Variants in PTPN20 observed in about 807,000 individuals in gnomAD.
The protein encoded by PTPN20 is tyrosine-protein phosphatase non-receptor type 20.
Under a neutral mutation model 35.0 loss-of-function variants are expected in PTPN20, and 9 were observed. The ratio of observed to expected loss-of-function variants is 0.26; its 90% CI spans 0.15 to 0.45. The LOEUF (loss-of-function observed/expected upper bound fraction) is 0.45, where lower values mean the gene tolerates loss of function less well. Among genes scored for constraint, PTPN20 ranks in the 20% least tolerant of loss-of-function variants. The probability of loss-of-function intolerance (pLI) is 1.00; values close to 1 mark genes in which losing one functional copy is unlikely to be tolerated. For missense variants in PTPN20, 111 were observed against 312.5 expected (o/e 0.36, Z 4.86); for synonymous variants, 32 against 100.2 (o/e 0.32, Z 4.06).
intron 3 of PTPN20, among the ~76,000 whole-genome samples, chr10:46,941,007 G>C (rs1197824939): frequency 6.6e-6 from 1 of 151,656 alleles, no homozygotes; most frequent in Non-Finnish European, 1.5e-5. Flanking sequence ...AGCACCTTTA[G>C]ATGTATTGAT....
At position 46,994,345 on chromosome 10, in the gene PTPN20, T is replaced by TTTTC. The variant is rs1290218346; in HGVS notation, c.1135-5566_1135-5565insTTCT. 1.1e-4 allele frequency among the ~76,000 whole-genome samples: 16 copies of TTTTC among 146,448 alleles called. No homozygotes were observed. The East Asian group carries it at 1.4e-3, about 13-fold the overall frequency. ...CTCTTTTTTTTTTTTTTTTTTTTTT[T>TTTTC]TGAGACGGAGTCTCGCTCTGTGGCC... On this transcript the variant is annotated intron_variant, in intron 9 of 10. Transcript: ENST00000374339.
intron 2 of PTPN20, among the ~76,000 whole-genome samples, chr10:46,939,821 A>G (rs1228518083): frequency 1.3e-5 from 2 of 150,658 alleles, no homozygotes; most frequent in Non-Finnish European, 1.5e-5. Context: ...AAATTAATTC[A>G]TGTGTTATAA....
At chr10:46,922,899 T>C (rs1555109853) in intron 1 of PTPN20, among the ~76,000 whole-genome samples, 1 of 123,792 alleles carries the variant, frequency 8.1e-6, no homozygotes, top group Non-Finnish European at 1.6e-5. Context: ...TCAGTGTCCA[T>C]AGGAGAGAAA....
chr10:47,003,547 A>G (rs940314748), downstream of PTPN20, among the ~76,000 whole-genome samples: 35 of 140,218 alleles, frequency 2.5e-4, no homozygotes, highest in East Asian at 5.1e-3. Context: ...ATCTTTCTCT[A>G]TATCTATTAG....
At chr10:46,994,432 C>T (rs922570115) in intron 9 of PTPN20, among the ~76,000 whole-genome samples, 3 of 148,722 alleles carry the variant, frequency 2.0e-5, no homozygotes, top group Non-Finnish European at 4.4e-5. Flanking sequence ...CCCAGGTTCA[C>T]GCCATTCTCC....
chr10:46,972,394 C>T (rs1214179007), intron 7 of PTPN20, among the ~76,000 whole-genome samples: 21 of 147,930 alleles, frequency 1.4e-4, no homozygotes, highest in African/African-American at 4.7e-4. Context: ...TACCATTTTA[C>T]ACTCACTGCA....
downstream of PTPN20, among the ~76,000 whole-genome samples, chr10:47,003,525 A>G (rs868931950): frequency 7.4e-3 from 1,116 of 151,492 alleles, 8 homozygotes; most frequent in African/African-American, 0.025. Flanking sequence ...CAAGATAACT[A>G]TGTAAAAATT....
chr10:46,947,743 A>G (rs1230055949), intron 5 of PTPN20: 1 of 376,702 alleles, frequency 2.7e-6, no homozygotes, highest in Admixed American at 3.4e-5. Flanking sequence ...ATAAATATGT[A>G]GCCTTTTGAG....
intron 1 of PTPN20, among the ~76,000 whole-genome samples, chr10:46,928,565 C>T (rs2038491316): frequency 6.6e-6 from 1 of 152,118 alleles, no homozygotes; most frequent in Admixed American, 6.5e-5. Flanking sequence ...CTTCACTTCT[C>T]CCTGCTTCCC....
At chr10:46,923,722 T>A (rs1321534400) in intron 1 of PTPN20, among the ~76,000 whole-genome samples, 1 of 151,248 alleles carries the variant, frequency 6.6e-6, no homozygotes, top group South Asian at 2.1e-4. Flanking sequence ...TTGATACCCA[T>A]GAAACAATTT....
intron 5 of PTPN20, among the ~76,000 whole-genome samples, chr10:46,960,551 AT>A (rs1397869462): frequency 1.3e-5 from 2 of 151,330 alleles, no homozygotes; most frequent in African/African-American, 2.4e-5. Flanking sequence ...TTGTTCATGT[AT>A]ATTGTCTACT....
At chr10:46,957,578 A>C (rs1201840548) in intron 5 of PTPN20, among the ~76,000 whole-genome samples, 2 of 152,084 alleles carry the variant, frequency 1.3e-5, no homozygotes, top group East Asian at 3.9e-4. Context: ...AAAAAGTACA[A>C]AAATTAGCCA....
rs563952372 is a variant in PTPN20, at chr10:46,979,953, A to G, written c.584-4277A>G. The stretch of plus-strand genomic sequence containing the variant: ...GGGATCTCAATCACCTTTCCCTTCC[A>G]CAGGATATTACAGAGGTTTATTACA... On this transcript the variant is annotated intron_variant, in intron 7 of 10. Transcript: ENST00000374339. Among the ~76,000 whole-genome samples, 61 of 151,040 alleles carry G rather than the reference A, an allele frequency of 4.0e-4. No individual in the cohort carries two copies. The South Asian group carries it at 0.013, about 32-fold the overall frequency.
intron 9 of PTPN20, among the ~76,000 whole-genome samples, chr10:46,992,120 A>C (rs1589943960): frequency 6.9e-6 from 1 of 144,774 alleles, no homozygotes; most frequent in Admixed American, 7.0e-5. Flanking sequence ...GTTCATTTTC[A>C]ATTTTTTTTT....
intron 1 of PTPN20, among the ~76,000 whole-genome samples, chr10:46,926,328 T>C (rs1465914788): frequency 6.6e-6 from 1 of 151,862 alleles, no homozygotes; most frequent in Non-Finnish European, 1.5e-5. Flanking sequence ...TATATTTTTA[T>C]ATTAAGAAGA....
At chr10:46,983,243 A>T (rs1268272387) in intron 7 of PTPN20, among the ~76,000 whole-genome samples, 6 of 151,648 alleles carry the variant, frequency 4.0e-5, no homozygotes, top group African/African-American at 7.3e-5. Flanking sequence ...CGCCTGGCTG[A>T]TTTTTTCTGT....
chr10:46,935,829 T>C (rs1402785351), intron 2 of PTPN20, among the ~76,000 whole-genome samples: 2 of 152,246 alleles, frequency 1.3e-5, no homozygotes, highest in East Asian at 3.9e-4. Context: ...AGTGATGTGA[T>C]TGCTGAATCA....
intron 9 of PTPN20, among the ~76,000 whole-genome samples, chr10:46,996,883 T>C (rs1267699474): frequency 6.6e-6 from 1 of 152,196 alleles, no homozygotes; most frequent in Non-Finnish European, 1.5e-5. Flanking sequence ...TGTAGTGATA[T>C]AGTAAGCTTT....
intron 3 of PTPN20, among the ~76,000 whole-genome samples, chr10:46,942,005 G>T (rs1229722158): frequency 3.4e-4 from 14 of 40,826 alleles, no homozygotes; most frequent in Non-Finnish European, 1.3e-4. Context: ...TTTGAGACAG[G>T]CTAATTTATT....
Sources: gnomAD v4.1 joint callset for allele counts (sites outside exome capture counted in the v4.1 genomes callset) on GRCh38, gnomAD v4.1.1 for gene constraint, MANE v1.5 for transcripts, NCBI Gene and HGNC (gene_info 2026-07-23, HGNC 2026-07-21) for gene names.